Variants in SYNE1 observed in about 807,000 individuals in gnomAD.
SYNE1 encodes spectrin repeat containing nuclear envelope protein 1.
A neutral mutation model predicts 1,111.0 loss-of-function variants in SYNE1; 616 were observed. That is an observed-to-expected ratio of 0.55 (90% CI 0.52 to 0.59). The LOEUF (loss-of-function observed/expected upper bound fraction) is 0.59, where lower values mean the gene tolerates loss of function less well. Ranked by LOEUF, SYNE1 falls within the 20% of genes least tolerant of loss-of-function variation. SYNE1 has a pLI of 0.00. For synonymous variants in SYNE1, 3,855 were observed against 3,825.8 expected (o/e 1.01, Z -0.28); for missense variants, 10,006 against 10,417.0 (o/e 0.96, Z 1.72).
intron 127 of SYNE1, among the ~76,000 whole-genome samples, chr6:152,195,210 T>C (rs1473600442): frequency 6.6e-6 from 1 of 152,188 alleles, no homozygotes; most frequent in African/African-American, 2.4e-5. Flanking sequence ...TGTGAGCCAC[T>C]GCACCCAGCT....
At chr6:152,440,567 ATTTTTT>A (rs10700163) in intron 32 of SYNE1, among the ~76,000 whole-genome samples, 4 of 122,728 alleles carry the variant, frequency 3.3e-5, no homozygotes, top group African/African-American at 1.3e-4. Flanking sequence ...TTGCCTCCAG[ATTTTTT>A]TTTTTTTTTT....
intron 100 of SYNE1, among the ~76,000 whole-genome samples, chr6:152,266,803 C>T (rs767811931): frequency 2.0e-5 from 3 of 152,068 alleles, no homozygotes; most frequent in African/African-American, 4.8e-5. Flanking sequence ...CACTTGCCCT[C>T]AGAATTCGTA....
chr6:152,567,335 A>C (rs1414106845), intron 3 of SYNE1, among the ~76,000 whole-genome samples: 1 of 152,030 alleles, frequency 6.6e-6, no homozygotes, highest in African/African-American at 2.4e-5. Context: ...CATTCTGTTA[A>C]TAACTCAGCC....
At chr6:152,608,215 G>A (rs185509310) in intron 3 of SYNE1, among the ~76,000 whole-genome samples, 103 of 152,238 alleles carry the variant, frequency 6.8e-4, no homozygotes, top group African/African-American at 2.4e-3. Flanking sequence ...AAGTGTGTGC[G>A]CTCTCTTGCT....
At chr6:152,466,121 C>T in intron 16 of SYNE1, 43 bp from the exon 17 acceptor site, 1 of 1,297,868 alleles carries the variant, frequency 7.7e-7, no homozygotes, top group Non-Finnish European at 1.1e-6. Context: ...ACATTAGGCT[C>T]ATGTAGAATG....
intron 138 of SYNE1, among the ~76,000 whole-genome samples, chr6:152,141,799 G>C (rs562798204): frequency 1.3e-5 from 2 of 152,054 alleles, no homozygotes; most frequent in Admixed American, 1.3e-4. Flanking sequence ...GGCTGGGCAC[G>C]GTGGCTCCTG....
intron 10 of SYNE1, among the ~76,000 whole-genome samples, chr6:152,500,388 T>A (rs1169088798): frequency 2.0e-5 from 3 of 152,212 alleles, no homozygotes; most frequent in African/African-American, 7.2e-5. Context: ...TAACTATAGT[T>A]AAGTCACGCT....
At chr6:152,253,592 C>T (rs926174961) in intron 104 of SYNE1, among the ~76,000 whole-genome samples, 7 of 152,112 alleles carry the variant, frequency 4.6e-5, no homozygotes, top group African/African-American at 1.7e-4. Context: ...TTTTACTGTT[C>T]TGACTTTGCA....
chr6:152,521,389 C>T (rs1478472388), intron 5 of SYNE1, among the ~76,000 whole-genome samples: 1 of 152,082 alleles, frequency 6.6e-6, no homozygotes, highest in African/African-American at 2.4e-5. Flanking sequence ...ATTGCTGAGT[C>T]GAAGGGAATG....
intron 61 of SYNE1, 24 bp downstream of exon 61, chr6:152,368,948 C>T: frequency 1.2e-6 from 2 of 1,614,084 alleles, no homozygotes; most frequent in Non-Finnish European, 1.7e-6. Context: ...ATCACACTCA[C>T]ACACAGCACG....
intron 122 of SYNE1, 123 bp from the exon 123 acceptor site, chr6:152,213,882 T>C (rs573707684): frequency 4.4e-6 from 6 of 1,366,686 alleles, no homozygotes; most frequent in African/African-American, 3.0e-5. Context: ...AAAGCTTTCA[T>C]GTCAGGTGGT....
intron 15 of SYNE1, 126 bp downstream of exon 15, chr6:152,472,175 C>T (rs750248557): frequency 1.3e-4 from 98 of 772,046 alleles, no homozygotes; most frequent in Non-Finnish European, 1.9e-4. Flanking sequence ...TATGGGAGCC[C>T]GCTTTCTATT....
In SYNE1 at chr6:152,545,170, T is replaced by C. The variant is rs141836571; in HGVS notation, c.68-5149A>G. ...AGTGATATAGCATCTCATGTATCAG[T>C]ATGTACATAATAATGCATAATGTAT... is the stretch of plus-strand genomic sequence containing the variant. On this transcript the variant is annotated intron_variant, in intron 3 of 145. Transcript: ENST00000367255. Among the ~76,000 whole-genome samples the C allele has an allele frequency of 1.9e-3, 290 of 152,338 alleles. 1 individual carries two copies. Among genetic ancestry groups the C allele is most frequent in the Admixed American group, 0.016 (248 of 15,296 alleles).
chr6:152,505,150 TA>T, intron 9 of SYNE1, 50 bp downstream of exon 9: 4 of 1,597,512 alleles, frequency 2.5e-6, no homozygotes, highest in South Asian at 1.1e-5. Context: ...GTTTAAGACA[TA>T]AAAACCCTCC....
Position 152,398,655 on chromosome 6 carries a change from G to C in SYNE1, c.7314C>G (p.Asp2438Glu). Residue 2438 changes from aspartate (D) to glutamate (E), a missense_variant, in exon 49 of 146, where the codon GAC (aspartate) becomes GAG (glutamate). By Grantham distance (45) the Asp-to-Glu change is conservative (BLOSUM62 2). Around this residue, in one of 7 missense-constraint regions of SYNE1, gnomAD observed 4,955 missense variants for 5,017.2 expected, o/e 0.99. Coordinates refer to ENST00000367255, the MANE Select transcript of SYNE1 (RefSeq NM_182961.4). Reference protein sequence around the residue: ...AAKESSDRTGDSKVLEAKLHD... With the variant: ...AAKESSDRTGESKVLEAKLHD... Reference sequence around the variant, plus strand: ...GGAGCTTTGCTTCTAGAACTTTGCTGTCACCGGTGCGATCTGATGATTCTT... The same window carrying C: ...GGAGCTTTGCTTCTAGAACTTTGCTCTCACCGGTGCGATCTGATGATTCTT... 6.2e-7 allele frequency: 1 copy of C among 1,614,014 alleles called. No homozygotes were observed. Among genetic ancestry groups the C allele is most frequent in the Non-Finnish European group, 8.5e-7 (1 of 1,179,912 alleles).
At chr6:152,186,635 C>T (rs2070167806) in intron 128 of SYNE1, among the ~76,000 whole-genome samples, 1 of 140,800 alleles carries the variant, frequency 7.1e-6, no homozygotes, top group South Asian at 2.3e-4. Context: ...ACAGTGTCGG[C>T]AGGAAGAGTG....
intron 64 of SYNE1, among the ~76,000 whole-genome samples, chr6:152,359,761 G>C (rs2154064020): frequency 6.6e-6 from 1 of 151,904 alleles, no homozygotes; most frequent in Non-Finnish European, 1.5e-5. Flanking sequence ...ATGGACCCCT[G>C]ATGTTCACCC....
At chr6:152,204,365 C>CAAAAAAAAAAAAAAAAAAAAA (rs57252682) in intron 126 of SYNE1, among the ~76,000 whole-genome samples, 2 of 89,794 alleles carry the variant, frequency 2.2e-5, no homozygotes, top group Admixed American at 1.4e-4. Context: ...GACTCTATGT[C>CAAAAAAAAAAAAAAAAAAAAA]AAAAAAAAAA....
intron 5 of SYNE1, among the ~76,000 whole-genome samples, chr6:152,525,657 T>G (rs2154353384): frequency 6.6e-6 from 1 of 152,290 alleles, no homozygotes; most frequent in Non-Finnish European, 1.5e-5. Context: ...GCCACACTGG[T>G]TTCCTGCTTA....
Sources: allele counts gnomAD v4.1 joint callset (sites outside exome capture counted in the v4.1 genomes callset), GRCh38; gene constraint gnomAD v4.1.1; regional missense constraint gnomAD v4.1.1; transcripts MANE v1.5; gene names NCBI Gene and HGNC (gene_info 2026-07-23, HGNC 2026-07-21).